Variants in PREX1 observed in about 807,000 individuals in gnomAD.
PREX1 encodes phosphatidylinositol 3,4,5-trisphosphate-dependent Rac exchanger 1 protein.
A neutral mutation model predicts 198.3 loss-of-function variants in PREX1; 41 were observed. That is an observed-to-expected ratio of 0.21 (90% confidence interval 0.16 to 0.27). The LOEUF (loss-of-function observed/expected upper bound fraction) is 0.27. PREX1 is among the 10% of genes least tolerant of loss of function. The pLI is 1.00. For synonymous variants in PREX1, 843 were observed against 887.2 expected (o/e 0.95, Z 0.89); for missense variants, 1,620 against 2,200.7 (o/e 0.74, Z 5.28).
intron 29 of PREX1, 53 bp downstream of exon 29, chr20:48,642,111 CCTGT>C: frequency 6.4e-7 from 1 of 1,558,818 alleles, no homozygotes; most frequent in Non-Finnish European, 8.8e-7. Flanking sequence ...GGTACGCCGC[CCTGT>C]CTAACACCCT....
At chr20:48,663,255 AG>A (rs1171930027) in intron 15 of PREX1, among the ~76,000 whole-genome samples, 1 of 152,236 alleles carries the variant, frequency 6.6e-6, no homozygotes, top group Non-Finnish European at 1.5e-5. Context: ...CAGCTGAGTC[AG>A]GGACCTGCTG....
At chr20:48,664,928 G>GGCCCAGACGGCCTGAATTCTAATCCCA (rs2089625640) in intron 15 of PREX1, among the ~76,000 whole-genome samples, 1 of 138,326 alleles carries the variant, frequency 7.2e-6, no homozygotes, top group Non-Finnish European at 1.6e-5. Context: ...TTCTAATCCC[G>GGCCCAGACGGCCTGAATTCTAATCCCA]ACTCCAGACG....
intron 1 of PREX1, among the ~76,000 whole-genome samples, chr20:48,826,332 C>G (rs940991820): frequency 6.6e-6 from 1 of 152,088 alleles, no homozygotes; most frequent in African/African-American, 2.4e-5. Flanking sequence ...GGCTCTGCCC[C>G]GTCCCACCCC....
At chr20:48,761,597 G>A (rs1056361311) in intron 1 of PREX1, among the ~76,000 whole-genome samples, 1 of 151,538 alleles carries the variant, frequency 6.6e-6, no homozygotes, top group African/African-American at 2.4e-5. Flanking sequence ...CTGTCATGAA[G>A]AGGTCTGATG....
chr20:48,843,039 C>T, the PREX1 span, among the ~76,000 whole-genome samples: 85 of 152,276 alleles, frequency 5.6e-4, no homozygotes, highest in Admixed American at 4.1e-3. Flanking sequence ...CCATACTTGC[C>T]TAATCTTAAG....
At chr20:48,641,824 A>AGAGAGAG (rs2089412260) in intron 29 of PREX1, among the ~76,000 whole-genome samples, 7 of 114,884 alleles carry the variant, frequency 6.1e-5, no homozygotes, top group African/African-American at 2.7e-4. Flanking sequence ...GAAAGAAAGA[A>AGAGAGAG]AGAGAGAGAG....
At chr20:48,772,443 C>T (rs1230651299) in intron 1 of PREX1, among the ~76,000 whole-genome samples, 2 of 152,206 alleles carry the variant, frequency 1.3e-5, no homozygotes, top group Non-Finnish European at 2.9e-5. Context: ...ATGGCCATAC[C>T]TGCAGAAGAG....
chr20:48,824,106 C>T (rs979130727), intron 1 of PREX1, among the ~76,000 whole-genome samples: 5 of 152,134 alleles, frequency 3.3e-5, no homozygotes, highest in Non-Finnish European at 4.4e-5. Context: ...GCCAGGGCCT[C>T]GAAATGATTC....
chr20:48,827,128 G>A lies in PREX1; in HGVS notation c.219+514C>T, dbSNP rs1367759256. On this transcript the variant is annotated intron_variant, in intron 1 of 39. Coordinates refer to ENST00000371941, the MANE Select transcript of PREX1 (RefSeq NM_020820.4). The surrounding 1 kb of genome is among the most constrained non-coding windows in gnomAD (Gnocchi z 4.1). ...ACTCCAGCAAAAACCTGTGCATGGG[G>A]GATTCTACCCTGGGGTTCTGTCAAT... Among the ~76,000 whole-genome samples the A allele has an allele frequency of 4.6e-5, 7 of 152,156 alleles. No homozygotes were observed. Among genetic ancestry groups the A allele is most frequent in the Admixed American group, 2.6e-4 (4 of 15,286 alleles).
At chr20:48,786,239 C>T (rs1160456338) in intron 1 of PREX1, among the ~76,000 whole-genome samples, 1 of 152,092 alleles carries the variant, frequency 6.6e-6, no homozygotes, top group Non-Finnish European at 1.5e-5. Flanking sequence ...GCTGGACCCC[C>T]TTGGAGGACA....
intron 1 of PREX1, among the ~76,000 whole-genome samples, chr20:48,786,793 AAAAG>A (rs1465718940): frequency 7.6e-6 from 1 of 132,060 alleles, no homozygotes; most frequent in Non-Finnish European, 1.6e-5. Context: ...AGTAGAAAAG[AAAAG>A]AAAGAGAAGG....
In PREX1 at chr20:48,666,600, A is replaced by G. The variant is rs1292448117; in HGVS notation, c.1666-245T>C. Among the ~76,000 whole-genome samples, 1 of 152,142 alleles carries G rather than the reference A, an allele frequency of 6.6e-6. No individual in the cohort carries two copies. Among genetic ancestry groups the G allele is most frequent in the Non-Finnish European group, 1.5e-5 (1 of 68,032 alleles). The stretch of plus-strand genomic sequence containing the variant: ...GAGTGCAGTGGCACGATCTCGGCTT[A>G]CTGCAAGCTCCACCTCCTGGGTTCA... On this transcript the variant is annotated intron_variant, in intron 14 of 39. Transcript: ENST00000371941. The surrounding 1 kb of genome is among the most constrained non-coding windows in gnomAD (Gnocchi z 4.3).
At chr20:48,724,435 G>C (rs1345942626) in intron 5 of PREX1, among the ~76,000 whole-genome samples, 1 of 152,162 alleles carries the variant, frequency 6.6e-6, no homozygotes, top group Non-Finnish European at 1.5e-5. Flanking sequence ...CTTGCCCAAG[G>C]TTACACACTC....
At chr20:48,755,466 A>G (rs2090152327) in intron 1 of PREX1, among the ~76,000 whole-genome samples, 1 of 152,248 alleles carries the variant, frequency 6.6e-6, no homozygotes, top group African/African-American at 2.4e-5. Context: ...AGTACAGCAT[A>G]CATGGCATAT....
At chr20:48,867,923 G>A in the PREX1 span, among the ~76,000 whole-genome samples, 1 of 148,398 alleles carries the variant, frequency 6.7e-6, no homozygotes, top group East Asian at 2.0e-4. Flanking sequence ...TGCCCAGGCT[G>A]GTCTGGAAGT....
At chr20:48,852,917 G>C in the PREX1 span, among the ~76,000 whole-genome samples, 1 of 152,178 alleles carries the variant, frequency 6.6e-6, no homozygotes, top group African/African-American at 2.4e-5. Context: ...GCAAGGAGGA[G>C]AATAGTGAGT....
intron 4 of PREX1, among the ~76,000 whole-genome samples, chr20:48,730,208 C>T (rs1192861417): frequency 6.6e-6 from 1 of 150,620 alleles, no homozygotes; most frequent in African/African-American, 2.5e-5. Flanking sequence ...ACAAGACCCT[C>T]CCTGGACCTG....
rs188888108 is a variant in PREX1 at position 48,812,423 on chromosome 20, G to A, written c.219+15219C>T. 5.8e-3 allele frequency among the ~76,000 whole-genome samples: 880 copies of A among 151,448 alleles called. 6 individuals carry two copies. The highest frequency in any genetic ancestry group is 7.8e-3 in the Non-Finnish European group (530 of 67,888). ...GAGGAATGGGTAAATAATGTAAGAG[G>A]AATGGGTAAATAATGTAAGAGGAAT... is the stretch of plus-strand genomic sequence containing the variant. On this transcript the variant is annotated intron_variant, in intron 1 of 39. Transcript: ENST00000371941.
intron 5 of PREX1, among the ~76,000 whole-genome samples, chr20:48,717,222 A>G (rs149329155): frequency 1.3e-5 from 2 of 151,406 alleles, no homozygotes; most frequent in Non-Finnish European, 3.0e-5. Context: ...TCCTCTCCAC[A>G]AAGAGAAAAA....
Sources: allele counts gnomAD v4.1 joint callset (sites outside exome capture counted in the v4.1 genomes callset), GRCh38; gene constraint gnomAD v4.1.1; non-coding constraint Gnocchi (gnomAD v3.1); transcripts MANE v1.5; gene names NCBI Gene and HGNC (gene_info 2026-07-23, HGNC 2026-07-21).